Variants in HADHA observed in about 807,000 individuals in gnomAD.
HADHA encodes hydroxyacyl-CoA dehydrogenase trifunctional multienzyme complex subunit alpha.
Under a neutral mutation model 91.3 loss-of-function variants are expected in HADHA, and 59 were observed. That is an observed-to-expected ratio of 0.65 (90% CI 0.52 to 0.80). HADHA has a LOEUF of 0.80. Among genes scored for constraint, HADHA ranks in the 30% least tolerant of loss-of-function variants. HADHA has a pLI of 0.00. For missense variants in HADHA, 800 were observed against 927.6 expected, an observed-to-expected ratio of 0.86 and a Z score of 1.79; for synonymous variants, 320 against 338.9, an observed-to-expected ratio of 0.94 and a Z score of 0.61.
At chr2:26,234,464 A>ATTTGTCAT in intron 4 of HADHA, 109 bp from the exon 5 acceptor site, 3 of 930,692 alleles carry the variant, frequency 3.2e-6, no homozygotes, top group Non-Finnish European at 5.1e-6. Flanking sequence ...ATATTTGATG[A>ATTTGTCAT]CAAATCTTCA....
intron 7 of HADHA, among the ~76,000 whole-genome samples, chr2:26,228,538 C>T (rs1412763533): frequency 1.3e-5 from 2 of 152,138 alleles, no homozygotes; most frequent in Non-Finnish European, 2.9e-5. Context: ...GATAAACAAA[C>T]TATGGTACAT....
chr2:26,230,734 G>A (rs1670603680), intron 6 of HADHA, among the ~76,000 whole-genome samples: 1 of 151,812 alleles, frequency 6.6e-6, no homozygotes, highest in African/African-American at 2.4e-5. Flanking sequence ...AGCCTGGCCC[G>A]ACATGGTGAA....
At chr2:26,211,260 T>C (rs1670093647) in intron 10 of HADHA, among the ~76,000 whole-genome samples, 1 of 152,220 alleles carries the variant, frequency 6.6e-6, no homozygotes. Flanking sequence ...TTGGTTATAT[T>C]TTTAAAAAAT....
At chr2:26,237,312 T>C (rs1670786287) in intron 3 of HADHA, among the ~76,000 whole-genome samples, 1 of 152,012 alleles carries the variant, frequency 6.6e-6, no homozygotes, top group Non-Finnish European at 1.5e-5. Flanking sequence ...TGCATAATGT[T>C]AAGAAAAAAA....
intron 7 of HADHA, among the ~76,000 whole-genome samples, chr2:26,220,539 T>C (rs144305427): frequency 1.3e-5 from 2 of 152,348 alleles, no homozygotes; most frequent in Non-Finnish European, 2.9e-5. Flanking sequence ...ATGGATCCTA[T>C]AGAATGACAG....
intron 18 of HADHA, 111 bp from the exon 19 acceptor site, chr2:26,191,739 G>C (rs572555864): frequency 1.9e-6 from 2 of 1,062,078 alleles, no homozygotes; most frequent in African/African-American, 3.1e-5. Context: ...TCTGTGGGCC[G>C]GTTGGTGCTG....
intron 5 of HADHA, among the ~76,000 whole-genome samples, chr2:26,233,042 T>C (rs995621926): frequency 6.6e-6 from 1 of 151,816 alleles, no homozygotes; most frequent in Non-Finnish European, 1.5e-5. Context: ...GCCAATGGAG[T>C]GCGCAACCTG....
At chr2:26,236,751 C>CT in intron 4 of HADHA, 104 bp downstream of exon 4, 1 of 894,770 alleles carries the variant, frequency 1.1e-6, no homozygotes, top group African/African-American at 1.7e-5. Flanking sequence ...GCCTGTGTCA[C>CT]TGTGCCCAGC....
intron 7 of HADHA, among the ~76,000 whole-genome samples, chr2:26,222,003 T>TGTTA (rs1670386219): frequency 6.6e-6 from 1 of 152,190 alleles, no homozygotes; most frequent in African/African-American, 2.4e-5. Flanking sequence ...ATGGGCTGAA[T>TGTTA]TGTGTCCCCC....
intron 7 of HADHA, among the ~76,000 whole-genome samples, chr2:26,222,080 G>A (rs1018461009): frequency 2.0e-5 from 3 of 152,080 alleles, no homozygotes; most frequent in Non-Finnish European, 2.9e-5. Context: ...TTGGGGATAG[G>A]GCCTTTAAAG....
chr2:26,211,337 AT>A (rs917539477), intron 10 of HADHA, among the ~76,000 whole-genome samples: 104 of 146,792 alleles, frequency 7.1e-4, no homozygotes, highest in African/African-American at 8.9e-4. Context: ...AGCTCTTCAG[AT>A]TTTTTTTTTT....
At chr2:26,208,092 T>TA (rs1670010893) in intron 11 of HADHA, among the ~76,000 whole-genome samples, 1 of 152,228 alleles carries the variant, frequency 6.6e-6, no homozygotes, top group African/African-American at 2.4e-5. Context: ...TCAACTCCTA[T>TA]ATTTATCCTG....
At chr2:26,196,951 G>T (rs1357772526) in intron 14 of HADHA, among the ~76,000 whole-genome samples, 1 of 152,182 alleles carries the variant, frequency 6.6e-6, no homozygotes, top group African/African-American at 2.4e-5. Flanking sequence ...TCTGCTGTGT[G>T]CTAGGAAACT....
chr2:26,204,446 C>G (rs1669925751), intron 11 of HADHA, among the ~76,000 whole-genome samples: 1 of 152,228 alleles, frequency 6.6e-6, no homozygotes. Context: ...TTCAATCATG[C>G]TTCGAAATCA....
chr2:26,199,065 T>C (rs1266937461), intron 13 of HADHA, among the ~76,000 whole-genome samples: 1 of 152,070 alleles, frequency 6.6e-6, no homozygotes, highest in Non-Finnish European at 1.5e-5. Flanking sequence ...TGGCTAATTT[T>C]TTTGTAGTTT....
chr2:26,220,621 G>C (rs969994021), intron 7 of HADHA, among the ~76,000 whole-genome samples: 1 of 152,212 alleles, frequency 6.6e-6, no homozygotes, highest in African/African-American at 2.4e-5. Flanking sequence ...TTTATTGCTT[G>C]AACAAATTAA....
chr2:26,209,906 A>T lies in HADHA; in HGVS notation c.976-17T>A. 1.6e-6 allele frequency: 2 copies of T among 1,277,842 alleles called. No homozygotes were observed. The highest frequency in any genetic ancestry group is 2.4e-5 in the South Asian group (2 of 84,352). 79.2% of individuals were successfully genotyped at this position (1,277,842 alleles called of 1,614,324 possible). On this transcript the variant is annotated splice_polypyrimidine_tract_variant and intron_variant, in intron 10 of 19. Coordinates refer to ENST00000380649, the MANE Select transcript of HADHA (RefSeq NM_000182.5). ...TCCAAATTTCTGAAAAGTAAAGGGG[A>T]ATGAGAAAAGGTAGAACTTCACAGT...
Position 26,225,267 on chromosome 2 carries a change from T to C in HADHA, c.676+4925A>G, listed in dbSNP as rs555417107. On this transcript the variant is annotated intron_variant, in intron 7 of 19. Coordinates refer to ENST00000380649, the MANE Select transcript of HADHA (RefSeq NM_000182.5). ...TGGGAGGCTGAGGCAGGTAGGTGGA[T>C]CATGAGGTCAGAAGATTGAGACCAT... is the stretch of plus-strand genomic sequence containing the variant. Among the ~76,000 whole-genome samples the C allele has an allele frequency of 4.6e-5, 7 of 152,038 alleles. No homozygotes were observed. In the South Asian group the frequency reaches 1.5e-3, roughly 32 times the overall value.
rs763062995 is a variant in HADHA at position 26,232,154 on chromosome 2, A to T, written c.573+6T>A. ...TATAGCTTCACAAAGGGGATGTTAGACTCACCATTTTGGGCAGCCTTTGTG... is the reference window on the plus strand; with the variant it reads ...TATAGCTTCACAAAGGGGATGTTAGTCTCACCATTTTGGGCAGCCTTTGTG... On this transcript the variant is annotated splice_donor_region_variant and intron_variant, in intron 6 of 19. Coordinates refer to ENST00000380649, the MANE Select transcript of HADHA (RefSeq NM_000182.5). The T allele has an allele frequency of 1.8e-5, 29 of 1,607,678 alleles. No individual in the cohort carries two copies. Among genetic ancestry groups the T allele is most frequent in the Non-Finnish European group, 2.4e-5 (28 of 1,174,352 alleles).
Sources: allele counts gnomAD v4.1 joint callset (sites outside exome capture counted in the v4.1 genomes callset), GRCh38; gene constraint gnomAD v4.1.1; transcripts MANE v1.5; gene names NCBI Gene and HGNC (gene_info 2026-07-23, HGNC 2026-07-21).